Variants in AFF3 observed in about 807,000 individuals in gnomAD.
AFF3 encodes ALF transcription elongation factor 3, also known as AF4/FMR2 family member 3.
Under a neutral mutation model 129.7 loss-of-function variants are expected in AFF3, and 32 were observed. That is an observed-to-expected ratio of 0.25 (90% CI 0.19 to 0.33). The LOEUF is 0.33. Ranked by LOEUF, AFF3 falls within the 10% of genes least tolerant of loss-of-function variation. The pLI is 1.00. For missense variants in AFF3, 1,373 were observed against 1,592.0 expected, an observed-to-expected ratio of 0.86 and a Z score of 2.34; for synonymous variants, 644 against 635.4, an observed-to-expected ratio of 1.01 and a Z score of -0.20.
intron 8 of AFF3, among the ~76,000 whole-genome samples, chr2:99,752,634 C>T (rs1024499166): frequency 2.6e-5 from 4 of 152,232 alleles, no homozygotes; most frequent in Middle Eastern, 3.4e-3. Context: ...GAAGGGGACT[C>T]GGACTTGATC....
intron 8 of AFF3, among the ~76,000 whole-genome samples, chr2:99,767,441 A>C (rs776091595): frequency 6.6e-6 from 1 of 152,198 alleles, no homozygotes; most frequent in East Asian, 1.9e-4. Context: ...GGTTTTAATA[A>C]ACTTCCTAAC....
At chr2:100,141,671 G>A (rs180929014) in intron 1 of AFF3, among the ~76,000 whole-genome samples, 4 of 152,188 alleles carry the variant, frequency 2.6e-5, no homozygotes, top group Admixed American at 2.6e-4. Context: ...ATATATGTGA[G>A]ACTCGAATAG....
chr2:99,594,156 T>G lies in AFF3; in HGVS notation c.1505A>C (p.Glu502Ala). ...ESNQYYNPVK[E>A]DVQDCGKVPD... ...GACTTTCCCACAGTCCTGGACGTCC[T>G]CTTTCACCGGGTTGTAGTACTGATT... Residue 502 changes from glutamate to alanine, a missense_variant, in exon 15 of 25, where the codon GAG becomes GCG. Around this residue, in one of 9 missense-constraint regions of AFF3, gnomAD observed 413 missense variants for 424.4 expected, o/e 0.97. Transcript: ENST00000672756. 6.2e-7 allele frequency: 1 copy of G among 1,614,160 alleles called. No individual in the cohort carries two copies. Among genetic ancestry groups the G allele is most frequent in the Non-Finnish European group, 8.5e-7 (1 of 1,180,018 alleles).
intron 11 of AFF3, among the ~76,000 whole-genome samples, chr2:99,690,929 G>A (rs1158574685): frequency 2.6e-5 from 4 of 151,978 alleles, no homozygotes; most frequent in Non-Finnish European, 5.9e-5. Context: ...ACAGCATGGT[G>A]GGCAGTGCCA....
At chr2:100,077,917 C>T (rs1688712286) in intron 4 of AFF3, among the ~76,000 whole-genome samples, 1 of 152,208 alleles carries the variant, frequency 6.6e-6, no homozygotes, top group African/African-American at 2.4e-5. Context: ...TGCCCTTGGA[C>T]ACCAGTTAAT....
intron 7 of AFF3, among the ~76,000 whole-genome samples, chr2:99,904,870 C>A (rs1445447669): frequency 6.6e-6 from 1 of 152,082 alleles, no homozygotes; most frequent in African/African-American, 2.4e-5. Flanking sequence ...AGAGTTCGAG[C>A]CGTTCCCATA....
chr2:99,781,669 C>T (rs934053178), intron 8 of AFF3, among the ~76,000 whole-genome samples: 3 of 152,156 alleles, frequency 2.0e-5, no homozygotes, highest in Non-Finnish European at 4.4e-5. Context: ...TTCCAGAAAA[C>T]GTTTGCTGGC....
intron 7 of AFF3, among the ~76,000 whole-genome samples, chr2:99,964,614 C>T (rs1341451809): frequency 6.6e-6 from 1 of 152,012 alleles, no homozygotes; most frequent in Admixed American, 6.6e-5. Flanking sequence ...TAAAGTAATG[C>T]TGAGCGGGGA....
At chr2:99,641,057 C>T (rs1684147755) in intron 13 of AFF3, among the ~76,000 whole-genome samples, 1 of 152,224 alleles carries the variant, frequency 6.6e-6, no homozygotes, top group Admixed American at 6.5e-5. Flanking sequence ...CCTGTCCACC[C>T]TGCAGCCTGG....
At chr2:99,787,411 A>T (rs1684882368) in intron 8 of AFF3, among the ~76,000 whole-genome samples, 1 of 151,868 alleles carries the variant, frequency 6.6e-6, no homozygotes, top group Non-Finnish European at 1.5e-5. Flanking sequence ...CTGCGCCGCC[A>T]CCCCTGCAGT....
intron 7 of AFF3, among the ~76,000 whole-genome samples, chr2:99,926,883 A>C (rs1222442908): frequency 6.6e-6 from 1 of 152,198 alleles, no homozygotes; most frequent in African/African-American, 2.4e-5. Flanking sequence ...TTTTAAGTAA[A>C]CACAATCAGG....
chr2:99,893,261 C>A (rs1576293784), intron 7 of AFF3, among the ~76,000 whole-genome samples: 1 of 152,196 alleles, frequency 6.6e-6, no homozygotes, highest in African/African-American at 2.4e-5. Context: ...AGGAATATAT[C>A]TGATTATATG....
intron 14 of AFF3, among the ~76,000 whole-genome samples, chr2:99,597,681 T>C (rs945837586): frequency 6.6e-6 from 1 of 152,248 alleles, no homozygotes; most frequent in African/African-American, 2.4e-5. Flanking sequence ...GCTGCAAGGA[T>C]ACAGAGTTTA....
chr2:99,945,447 A>C (rs1675464725), intron 7 of AFF3, among the ~76,000 whole-genome samples: 2 of 152,196 alleles, frequency 1.3e-5, no homozygotes, highest in Non-Finnish European at 2.9e-5. Flanking sequence ...CTATGAGGGC[A>C]GACTGCCCAC....
intron 7 of AFF3, among the ~76,000 whole-genome samples, chr2:99,878,280 A>T (rs995930985): frequency 1.3e-5 from 2 of 152,192 alleles, no homozygotes; most frequent in Non-Finnish European, 2.9e-5. Context: ...TTGAATGTTA[A>T]GTGGCTAAAT....
chr2:99,706,774 A>G (rs1193727715), intron 11 of AFF3, among the ~76,000 whole-genome samples: 5 of 152,232 alleles, frequency 3.3e-5, no homozygotes, highest in Admixed American at 3.3e-4. Flanking sequence ...AAACAACTAC[A>G]GAAATGAGAG....
chr2:99,897,858 G>A (rs1314623078), intron 7 of AFF3, among the ~76,000 whole-genome samples: 3 of 152,150 alleles, frequency 2.0e-5, no homozygotes. Flanking sequence ...AAAAAAAGAT[G>A]TAGGCAAATG....
In AFF3 at chr2:99,593,960, C is replaced by A. The variant is rs763821193; in HGVS notation, c.1701G>T (p.Val567=). ...AVSAAAPPPA[V]PCAPAENAPA... ...GCGCGTTCTCCGCGGGCGCACAGGG[C>A]ACTGCGGGTGGCGGGGCGGCTGCGC... The change falls in exon 15 of 25, where the codon GTG becomes GTT. Residue 567 remains valine, a synonymous_variant. Transcript: ENST00000672756. The A allele has an allele frequency of 1.3e-6, 2 of 1,485,636 alleles. No homozygotes were observed. Among genetic ancestry groups the A allele is most frequent in the African/African-American group, 2.8e-5 (2 of 70,434 alleles). The allele number at this position is 1,485,636 out of a possible 1,614,324, so 92.0% of individuals were successfully genotyped here.
chr2:99,682,310 C>T (rs1200919879), intron 11 of AFF3, among the ~76,000 whole-genome samples: 1 of 152,184 alleles, frequency 6.6e-6, no homozygotes, highest in Non-Finnish European at 1.5e-5. Flanking sequence ...TTGTACATAA[C>T]TAATGCATTA....
Sources: gnomAD v4.1 joint callset for allele counts (sites outside exome capture counted in the v4.1 genomes callset) on GRCh38, gnomAD v4.1.1 for gene constraint, gnomAD v4.1.1 regional missense constraint, MANE v1.5 for transcripts, NCBI Gene and HGNC (gene_info 2026-07-23, HGNC 2026-07-21) for gene names.